HAUS6: variants seen among roughly 807,000 people sequenced by gnomAD.
HAUS6 encodes HAUS augmin like complex subunit 6, also known as HAUS augmin-like complex subunit 6.
In HAUS6, 80 loss-of-function variants were observed where a neutral mutation model predicts 106.8. The observed-to-expected ratio is 0.75, with a 90% CI of 0.63 to 0.90. HAUS6 has a LOEUF of 0.90. Among genes scored for constraint, HAUS6 ranks in the 40% least tolerant of loss-of-function variants. The pLI is 0.00. For synonymous variants in HAUS6, 356 were observed against 379.1 expected (o/e 0.94, Z 0.71); for missense variants, 1,155 against 1,118.1 (o/e 1.03, Z -0.47).
intron 4 of HAUS6, among the ~76,000 whole-genome samples, chr9:19,091,973 A>ATT (rs35552018): frequency 7.9e-5 from 12 of 151,606 alleles, no homozygotes; most frequent in African/African-American, 2.9e-4. Context: ...AAAAATAAAC[A>ATT]TTTTTTTTTA....
chr9:19,096,056 G>A (rs1205999874), intron 2 of HAUS6, among the ~76,000 whole-genome samples: 1 of 152,076 alleles, frequency 6.6e-6, no homozygotes, highest in Non-Finnish European at 1.5e-5. Context: ...TCATTTAATT[G>A]TTTTGCTAAC....
intron 1 of HAUS6, among the ~76,000 whole-genome samples, chr9:19,098,722 T>C (rs1306424640): frequency 5.6e-5 from 3 of 54,042 alleles, no homozygotes; most frequent in Admixed American, 1.8e-4. Flanking sequence ...ACATTATGTT[T>C]AACATTTAAA....
chr9:19,089,144 G>A (rs1490391710), intron 5 of HAUS6, among the ~76,000 whole-genome samples: 1 of 152,154 alleles, frequency 6.6e-6, no homozygotes, highest in Non-Finnish European at 1.5e-5. Flanking sequence ...TCTGGAGGCT[G>A]AGGTGGGAGG....
intron 13 of HAUS6, 114 bp from the exon 14 acceptor site, chr9:19,063,307 T>C (rs1261367675): frequency 2.7e-5 from 20 of 731,080 alleles, no homozygotes; most frequent in African/African-American, 5.4e-5. Flanking sequence ...GTTAATACTA[T>C]TGTGAAATTG....
chr9:19,072,186 C>T (rs1836894349), intron 11 of HAUS6, among the ~76,000 whole-genome samples: 1 of 120,926 alleles, frequency 8.3e-6, no homozygotes, highest in Non-Finnish European at 1.6e-5. Flanking sequence ...GTGAAACTCC[C>T]TCTCAAAAAA....
chr9:19,095,719 G>A (rs1042031650), intron 2 of HAUS6, among the ~76,000 whole-genome samples: 1 of 152,026 alleles, frequency 6.6e-6, no homozygotes, highest in African/African-American at 2.4e-5. Flanking sequence ...AAAGATTGAT[G>A]GTACAATATA....
chr9:19,099,167 TTG>T (rs1450785183), intron 1 of HAUS6, among the ~76,000 whole-genome samples: 10 of 147,106 alleles, frequency 6.8e-5, no homozygotes, highest in African/African-American at 2.3e-4. Flanking sequence ...GTTTGTTTTT[TTG>T]TGTTTTTTTT....
chr9:19,093,829 A>G, intron 3 of HAUS6, among the ~76,000 whole-genome samples: 1 of 152,168 alleles, frequency 6.6e-6, no homozygotes, highest in East Asian at 1.9e-4. Context: ...AGATTGCGCC[A>G]TTGCACTCCA....
intron 4 of HAUS6, among the ~76,000 whole-genome samples, chr9:19,092,474 G>A (rs1279569076): frequency 6.6e-6 from 1 of 151,614 alleles, no homozygotes; most frequent in Admixed American, 6.6e-5. Context: ...AATTAGCCGG[G>A]TGTAGAAGTG....
At chr9:19,068,178 TC>T (rs961248939) in intron 12 of HAUS6, among the ~76,000 whole-genome samples, 5 of 151,540 alleles carry the variant, frequency 3.3e-5, no homozygotes, top group Non-Finnish European at 7.4e-5. Flanking sequence ...AACCATACCC[TC>T]CCCTAGCCTG....
chr9:19,069,147 G>A (rs774466779), intron 12 of HAUS6, among the ~76,000 whole-genome samples: 20 of 152,124 alleles, frequency 1.3e-4, no homozygotes, highest in Non-Finnish European at 2.9e-4. Context: ...GGCACTATAG[G>A]ATGTAGTCTG....
chr9:19,082,269 CTG>C (rs1465869552), intron 8 of HAUS6, among the ~76,000 whole-genome samples: 2 of 152,210 alleles, frequency 1.3e-5, no homozygotes, highest in Non-Finnish European at 2.9e-5. Flanking sequence ...TAGGAGATCA[CTG>C]TTGTTGCCTT....
chr9:19,056,458 A>G (rs1449342482), intron 16 of HAUS6, 54 bp from the exon 17 acceptor site: 2 of 987,930 alleles, frequency 2.0e-6, no homozygotes, highest in African/African-American at 1.6e-5. Flanking sequence ...AAAATAAACA[A>G]TAGATTCCAA....
intron 13 of HAUS6, 23 bp from the exon 14 acceptor site, chr9:19,063,216 G>A: frequency 6.8e-7 from 1 of 1,471,682 alleles, no homozygotes; most frequent in Non-Finnish European, 9.4e-7. Context: ...GATATGTAAT[G>A]TTAAACCCTT....
At chr9:19,098,127 T>C (rs772767831) in intron 1 of HAUS6, among the ~76,000 whole-genome samples, 10 of 152,328 alleles carry the variant, frequency 6.6e-5, no homozygotes, top group Admixed American at 2.6e-4. Flanking sequence ...TGTTGAAGAT[T>C]TGTTCCATCG....
At chr9:19,060,645 T>C (rs1489959225) in intron 14 of HAUS6, among the ~76,000 whole-genome samples, 2 of 152,196 alleles carry the variant, frequency 1.3e-5, no homozygotes, top group Non-Finnish European at 2.9e-5. Flanking sequence ...ACATCTCTAT[T>C]AAGAAACAGA....
Position 19,102,744 on chromosome 9 carries a change from G to T in HAUS6, c.-93C>A. On this transcript the variant is annotated 5_prime_UTR_variant, in exon 1 of 17. Coordinates refer to ENST00000380502, the MANE Select transcript of HAUS6 (RefSeq NM_017645.5). ...GATCCCTCCCTACGGTCAGCCTGAG[G>T]TCGCGGTGGTCCTTCCATTGCCAAC... The T allele has an allele frequency of 1.5e-6, 2 of 1,298,524 alleles. No individual in the cohort carries two copies. The highest frequency in any genetic ancestry group is 1.1e-6 in the Non-Finnish European group (1 of 947,436). 80.4% of individuals were successfully genotyped at this position (1,298,524 alleles called of 1,614,324 possible).
chr9:19,059,096 T>G, intron 15 of HAUS6, 95 bp from the exon 16 acceptor site: 1 of 693,114 alleles, frequency 1.4e-6, no homozygotes, highest in Non-Finnish European at 2.5e-6. Context: ...ATAAAGCTCC[T>G]GACTCAGTAC....
At chr9:19,060,460 T>C (rs921661767) in intron 14 of HAUS6, among the ~76,000 whole-genome samples, 4 of 152,240 alleles carry the variant, frequency 2.6e-5, no homozygotes, top group Admixed American at 6.5e-5. Flanking sequence ...TATCCCATTA[T>C]AAAGGAGAGA....
Sources: allele counts gnomAD v4.1 joint callset (sites outside exome capture counted in the v4.1 genomes callset), GRCh38; gene constraint gnomAD v4.1.1; transcripts MANE v1.5; gene names NCBI Gene and HGNC (gene_info 2026-07-23, HGNC 2026-07-21).